Variants in NRG1 observed in about 807,000 individuals in gnomAD.
The protein encoded by NRG1 is pro-neuregulin-1, membrane-bound isoform.
NRG1 carries 18 observed loss-of-function variants against 63.8 expected under a neutral mutation model. The ratio of observed to expected loss-of-function variants is 0.28; its 90% CI spans 0.19 to 0.42. NRG1 has a LOEUF of 0.42. Ranked by LOEUF, NRG1 falls within the 10% of genes least tolerant of loss-of-function variation. NRG1 has a pLI of 1.00. For synonymous variants in NRG1, 302 were observed against 301.3 expected (o/e 1.00, Z -0.02); for missense variants, 762 against 814.7 (o/e 0.94, Z 0.79).
At chr8:32,138,120 G>A (rs532629450) in intron 1 of NRG1, among the ~76,000 whole-genome samples, 1 of 152,172 alleles carries the variant, frequency 6.6e-6, no homozygotes, top group African/African-American at 2.4e-5. Flanking sequence ...CCTGTTCCTT[G>A]CATCTCATCT....
intron 1 of NRG1, among the ~76,000 whole-genome samples, chr8:31,767,121 G>A (rs1818146533): frequency 1.3e-5 from 2 of 151,960 alleles, no homozygotes; most frequent in South Asian, 2.1e-4. Context: ...CTCTTAACAC[G>A]AAGAAAAGAA....
intron 1 of NRG1, among the ~76,000 whole-genome samples, chr8:32,514,801 T>G (rs16879496): frequency 0.02 from 2,966 of 152,058 alleles, 103 homozygotes; most frequent in African/African-American, 0.067. Context: ...CAAATAAAAC[T>G]GTTATTGATT....
At chr8:32,508,005 A>G (rs1828733117) in intron 1 of NRG1, among the ~76,000 whole-genome samples, 4 of 152,070 alleles carry the variant, frequency 2.6e-5, no homozygotes, top group African/African-American at 9.7e-5. Context: ...GACTACAAAA[A>G]TGTATTTATG....
At chr8:31,851,725 A>G (rs1196000905) in intron 1 of NRG1, among the ~76,000 whole-genome samples, 2 of 150,116 alleles carry the variant, frequency 1.3e-5, no homozygotes, top group African/African-American at 4.9e-5. Flanking sequence ...GTCATCTAGC[A>G]TTAGGTATAT....
At chr8:31,997,184 CTT>C (rs56256338) in intron 1 of NRG1, among the ~76,000 whole-genome samples, 11,486 of 137,360 alleles carry the variant, frequency 0.084, 1,398 homozygotes, top group African/African-American at 0.28. Context: ...ATAGTGTAAC[CTT>C]TTTTTTTTTT....
chr8:31,916,437 G>C (rs888798408), intron 1 of NRG1, among the ~76,000 whole-genome samples: 3 of 152,076 alleles, frequency 2.0e-5, no homozygotes, highest in African/African-American at 7.2e-5. Flanking sequence ...TCCCACCTAT[G>C]AGTGAGAATA....
chr8:31,976,839 C>T (rs1480762643), intron 1 of NRG1, among the ~76,000 whole-genome samples: 1 of 151,960 alleles, frequency 6.6e-6, no homozygotes, highest in Non-Finnish European at 1.5e-5. Flanking sequence ...TTATCTGTTC[C>T]TACAGAAAAA....
At chr8:31,704,846 A>G (rs921649163) in intron 1 of NRG1, among the ~76,000 whole-genome samples, 7 of 151,950 alleles carry the variant, frequency 4.6e-5, no homozygotes, top group African/African-American at 1.4e-4. Flanking sequence ...AAAAAAAAAA[A>G]AAAGAAATTA....
chr8:32,346,193 T>A (rs923604442), intron 1 of NRG1, among the ~76,000 whole-genome samples: 3 of 147,460 alleles, frequency 2.0e-5, no homozygotes, highest in Middle Eastern at 3.3e-3. Flanking sequence ...AGATGAATAG[T>A]TATATATGTA....
intron 1 of NRG1, among the ~76,000 whole-genome samples, chr8:31,648,795 C>A (rs1238858832): frequency 6.6e-6 from 1 of 152,194 alleles, no homozygotes; most frequent in Non-Finnish European, 1.5e-5. Context: ...TTTGTTTATT[C>A]ATCCATCCAT....
At chr8:32,726,947 GA>G (rs1422834921) in intron 5 of NRG1, among the ~76,000 whole-genome samples, 1 of 150,672 alleles carries the variant, frequency 6.6e-6, no homozygotes, top group Non-Finnish European at 1.5e-5. Flanking sequence ...AGAGTATATA[GA>G]ATCTGTACTG....
chr8:32,727,230 T>C (rs1246255471), intron 5 of NRG1, among the ~76,000 whole-genome samples: 1 of 152,246 alleles, frequency 6.6e-6, no homozygotes, highest in African/African-American at 2.4e-5. Flanking sequence ...AACTTATTTC[T>C]ACCTCTCATT....
At chr8:31,949,331 C>T (rs1330605936) in intron 1 of NRG1, among the ~76,000 whole-genome samples, 1 of 152,214 alleles carries the variant, frequency 6.6e-6, no homozygotes, top group Non-Finnish European at 1.5e-5. Context: ...TGCCCCCTCT[C>T]AGCTAATCTT....
At chr8:31,825,604 G>A (rs1824471556) in intron 1 of NRG1, among the ~76,000 whole-genome samples, 2 of 152,058 alleles carry the variant, frequency 1.3e-5, no homozygotes, top group Non-Finnish European at 2.9e-5. Flanking sequence ...GAGAAGTTAA[G>A]TAACTTGTAT....
At chr8:32,021,318 A>G (rs1308353733) in intron 1 of NRG1, among the ~76,000 whole-genome samples, 1 of 152,166 alleles carries the variant, frequency 6.6e-6, no homozygotes, top group Non-Finnish European at 1.5e-5. Context: ...GCATCATAAC[A>G]TGACAGAGAA....
At chr8:31,732,282 A>T (rs1035797918) in intron 1 of NRG1, among the ~76,000 whole-genome samples, 2 of 152,164 alleles carry the variant, frequency 1.3e-5, no homozygotes, top group Non-Finnish European at 1.5e-5. Context: ...GTCTTTGCTC[A>T]TAAAAACTCT....
intron 1 of NRG1, among the ~76,000 whole-genome samples, chr8:31,722,539 T>C (rs984048489): frequency 1.3e-5 from 2 of 152,284 alleles, no homozygotes; most frequent in Middle Eastern, 3.4e-3. Context: ...TTTATTGCTT[T>C]AAGTGCTCTG....
chr8:32,110,042 G>T (rs1237809761), intron 1 of NRG1, among the ~76,000 whole-genome samples: 1 of 152,070 alleles, frequency 6.6e-6, no homozygotes, highest in Non-Finnish European at 1.5e-5. Context: ...AAGGATTAAA[G>T]GAACTAATAT....
At chr8:32,500,214 T>C (rs1156398341) in intron 1 of NRG1, among the ~76,000 whole-genome samples, 1 of 152,210 alleles carries the variant, frequency 6.6e-6, no homozygotes, top group Non-Finnish European at 1.5e-5. Flanking sequence ...CTGGAACTTT[T>C]AATAAGGACT....
Sources: allele counts gnomAD v4.1 joint callset (sites outside exome capture counted in the v4.1 genomes callset), GRCh38; gene constraint gnomAD v4.1.1; transcripts MANE v1.5; gene names NCBI Gene and HGNC (gene_info 2026-07-23, HGNC 2026-07-21).